TGM3: variants seen among roughly 807,000 people sequenced by gnomAD.
TGM3 encodes the protein protein-glutamine gamma-glutamyltransferase E.
A neutral mutation model predicts 73.8 loss-of-function variants in TGM3; 52 were observed. That is an observed-to-expected ratio of 0.70 (90% confidence interval 0.56 to 0.89). The LOEUF (loss-of-function observed/expected upper bound fraction) is 0.89. Among genes scored for constraint, TGM3 ranks in the 40% least tolerant of loss-of-function variants. The probability of loss-of-function intolerance (pLI) is 0.00; values close to 1 mark genes in which losing one functional copy is unlikely to be tolerated. For missense variants in TGM3, 928 were observed against 909.9 expected, an observed-to-expected ratio of 1.02 and a Z score of -0.26; for synonymous variants, 372 against 354.9, an observed-to-expected ratio of 1.05 and a Z score of -0.54.
Position 2,340,612 on chromosome 20 carries a change from G to T in TGM3, c.*31G>T. The T allele has an allele frequency of 6.2e-7, 1 of 1,613,950 alleles. No individual in the cohort carries two copies. The highest frequency in any genetic ancestry group is 8.5e-7 in the Non-Finnish European group (1 of 1,179,910). On this transcript the variant is annotated 3_prime_UTR_variant, in exon 13 of 13. Transcript: ENST00000381458. Reference sequence around the variant, plus strand: ...GCTGGTGGCCTCCCGTACAAACTTGGACAACACGGAGCAGGGAGAGCTCAC... The same window carrying T: ...GCTGGTGGCCTCCCGTACAAACTTGTACAACACGGAGCAGGGAGAGCTCAC...
intron 11 of TGM3, among the ~76,000 whole-genome samples, chr20:2,338,705 AAAAC>A (rs1489816398): frequency 6.6e-6 from 1 of 152,248 alleles, no homozygotes; most frequent in Non-Finnish European, 1.5e-5. Context: ...AGTGACAAGA[AAAAC>A]AAAACACAGC....
intron 11 of TGM3, among the ~76,000 whole-genome samples, chr20:2,336,638 C>A (rs575741595): frequency 6.6e-6 from 1 of 151,258 alleles, no homozygotes; most frequent in African/African-American, 2.4e-5. Context: ...TTTTACTGTC[C>A]TGGTTAGTTT....
intron 7 of TGM3, among the ~76,000 whole-genome samples, chr20:2,319,658 G>A (rs1370066357): frequency 6.6e-6 from 1 of 152,162 alleles, no homozygotes; most frequent in East Asian, 1.9e-4. Context: ...AGGGGGCCAG[G>A]CGCAGAAGCT....
intron 1 of TGM3, among the ~76,000 whole-genome samples, chr20:2,307,417 C>T (rs1021978364): frequency 6.6e-6 from 1 of 152,198 alleles, no homozygotes; most frequent in Admixed American, 6.5e-5. Context: ...AGACAAGTAA[C>T]ATCACTCCTT....
chr20:2,319,399 C>A (rs1600700471), intron 7 of TGM3, among the ~76,000 whole-genome samples: 2 of 152,190 alleles, frequency 1.3e-5, no homozygotes, highest in African/African-American at 4.8e-5. Context: ...ATTAGCAACA[C>A]AGCATGGTGT....
At chr20:2,302,653 G>C (rs1356886492) in intron 1 of TGM3, among the ~76,000 whole-genome samples, 1 of 131,440 alleles carries the variant, frequency 7.6e-6, no homozygotes, top group Non-Finnish European at 1.6e-5. Context: ...ACAGCAGAAT[G>C]GAAGAAGAGG....
At chr20:2,297,541 A>ACTCT (rs1267619663) in intron 1 of TGM3, among the ~76,000 whole-genome samples, 1 of 152,002 alleles carries the variant, frequency 6.6e-6, no homozygotes, top group South Asian at 2.1e-4. Flanking sequence ...CCTCCCGTGG[A>ACTCT]CTCTCAGGAA....
intron 1 of TGM3, among the ~76,000 whole-genome samples, chr20:2,298,826 A>G (rs2084125978): frequency 1.3e-5 from 2 of 152,076 alleles, no homozygotes; most frequent in South Asian, 4.1e-4. Flanking sequence ...TCTCTCTCTG[A>G]AAAGGAGATG....
At chr20:2,319,220 G>A (rs1201287795) in intron 7 of TGM3, among the ~76,000 whole-genome samples, 1 of 152,202 alleles carries the variant, frequency 6.6e-6, no homozygotes, top group African/African-American at 2.4e-5. Flanking sequence ...TACAAAAGGA[G>A]ATGGTTGGTG....
chr20:2,298,454 G>T (rs2084123158), intron 1 of TGM3, among the ~76,000 whole-genome samples: 1 of 152,212 alleles, frequency 6.6e-6, no homozygotes, highest in Admixed American at 6.5e-5. Flanking sequence ...TGAACCACAG[G>T]CTTCTGCCTG....
At chr20:2,340,033 C>CGGGGGGGGGT (rs368081322) in intron 12 of TGM3, 46 bp downstream of exon 12, 69 of 198,348 alleles carry the variant, frequency 3.5e-4, no homozygotes, top group Middle Eastern at 6.7e-4. Flanking sequence ...CGGGAGGGGG[C>CGGGGGGGGGT]GGGGGGGCCC....
chr20:2,337,852 GTCTACT>G (rs1309890864), intron 11 of TGM3, among the ~76,000 whole-genome samples: 2 of 152,128 alleles, frequency 1.3e-5, no homozygotes, highest in African/African-American at 4.8e-5. Context: ...TCCATGGCAA[GTCTACT>G]TATCTTTAAG....
chr20:2,330,837 C>G (rs2084316710), intron 9 of TGM3, among the ~76,000 whole-genome samples: 1 of 151,820 alleles, frequency 6.6e-6, no homozygotes, highest in African/African-American at 2.4e-5. Context: ...GAAACCCTGT[C>G]TCTACCAAAA....
chr20:2,326,898 A>C (rs890686762), intron 8 of TGM3, among the ~76,000 whole-genome samples: 33 of 152,196 alleles, frequency 2.2e-4, no homozygotes, highest in African/African-American at 8.0e-4. Context: ...AGTTGAAAAA[A>C]ATTCAAACTA....
At position 2,332,315 on chromosome 20, in the gene TGM3, C is replaced by G; in HGVS notation, c.1642+5C>G. On this transcript the variant is annotated splice_donor_5th_base_variant and intron_variant, in intron 10 of 12. Coordinates refer to ENST00000381458, the MANE Select transcript of TGM3 (RefSeq NM_003245.4). The surrounding 1 kb of genome is among the most constrained non-coding windows in gnomAD (Gnocchi z 4.4). Reference sequence around the variant, plus strand: ...TGTCCCTGGACCCTGAGGAAGGTAACGCATCCCGCAGTTGGAGGAGATCCA... The same window carrying G: ...TGTCCCTGGACCCTGAGGAAGGTAAGGCATCCCGCAGTTGGAGGAGATCCA... 1 of 1,574,122 alleles carries G rather than the reference C, an allele frequency of 6.4e-7. No homozygotes were observed. The highest frequency in any genetic ancestry group is 8.6e-7 in the Non-Finnish European group (1 of 1,158,810).
rs747297356 is a variant in TGM3 at position 2,332,192 on chromosome 20, G to T, written c.1524G>T (p.Leu508=). Residue 508 remains leucine (L), a synonymous_variant, in exon 10 of 13, where the codon CTG becomes CTT. Transcript: ENST00000381458. The surrounding 1 kb of genome is among the most constrained non-coding windows in gnomAD (Gnocchi z 4.4). The part of the protein sequence containing the change: ...EVNLVLLLKN[L]SRDTKTVTVN... ...ACCTGGTCCTACTGCTCAAAAACCT[G>T]AGCAGGGATACGAAGACAGTGACAG... 1 of 1,614,114 alleles carries T rather than the reference G, an allele frequency of 6.2e-7. No individual in the cohort carries two copies. The highest frequency in any genetic ancestry group is 8.5e-7 in the Non-Finnish European group (1 of 1,179,996).
intron 7 of TGM3, among the ~76,000 whole-genome samples, chr20:2,318,025 A>T (rs1186857120): frequency 2.0e-5 from 3 of 151,172 alleles, no homozygotes; most frequent in Admixed American, 2.0e-4. Context: ...GGATGAAAAC[A>T]ATTATTTTTT....
chr20:2,324,663 C>T (rs922619755), intron 7 of TGM3, among the ~76,000 whole-genome samples: 2 of 152,282 alleles, frequency 1.3e-5, no homozygotes, highest in South Asian at 2.1e-4. Context: ...CAGAATTCCC[C>T]CCTCACTCTC....
At chr20:2,327,080 A>G (rs2084292022) in intron 8 of TGM3, among the ~76,000 whole-genome samples, 1 of 152,166 alleles carries the variant, frequency 6.6e-6, no homozygotes, top group African/African-American at 2.4e-5. Flanking sequence ...TATAAAATCT[A>G]GTTAGTGGGC....
Sources: allele counts gnomAD v4.1 joint callset (sites outside exome capture counted in the v4.1 genomes callset), GRCh38; gene constraint gnomAD v4.1.1; non-coding constraint Gnocchi (gnomAD v3.1); transcripts MANE v1.5; gene names NCBI Gene and HGNC (gene_info 2026-07-23, HGNC 2026-07-21).